The following MTCL2 variants were observed in gnomAD, a reference collection of about 807,000 sequenced individuals.
MTCL2 encodes the protein microtubule cross-linking factor 2.
chr20:36,784,704 A>G, the MTCL2 span: 372 of 985,300 alleles, frequency 3.8e-4, 1 homozygote, highest in Middle Eastern at 5.2e-4. Context: ...AATCCAACCA[A>G]TGGCTCAGGC....
chr20:36,852,524 T>G, the MTCL2 span, among the ~76,000 whole-genome samples: 1 of 152,204 alleles, frequency 6.6e-6, no homozygotes, highest in South Asian at 2.1e-4. Context: ...GCTCCACTTC[T>G]CAGCCCAAAT....
chr20:36,785,530 C>T, the MTCL2 span: 5 of 985,312 alleles, frequency 5.1e-6, no homozygotes, highest in African/African-American at 8.7e-5. Context: ...CCAAGAATCT[C>T]TTACTGGGAA....
chr20:36,793,473 C>G, the MTCL2 span: 31 of 1,551,358 alleles, frequency 2.0e-5, no homozygotes, highest in Non-Finnish European at 1.1e-5. The surrounding 1 kb of genome is among the most constrained non-coding windows in gnomAD (Gnocchi z 6.8). Flanking sequence ...GGTGCCCGGC[C>G]ACACACATTA....
the MTCL2 span, among the ~76,000 whole-genome samples, chr20:36,790,567 T>G: frequency 1.3e-5 from 2 of 151,624 alleles, no homozygotes; most frequent in Admixed American, 1.3e-4. Flanking sequence ...CCCGAGTAGC[T>G]GGGACTATAG....
At chr20:36,861,590 G>T in the MTCL2 span, among the ~76,000 whole-genome samples, 1 of 152,218 alleles carries the variant, frequency 6.6e-6, no homozygotes, top group African/African-American at 2.4e-5. Flanking sequence ...CCAGCAGCAT[G>T]CTGTGAGCTC....
chr20:36,820,361 T>C, the MTCL2 span, among the ~76,000 whole-genome samples: 3 of 152,178 alleles, frequency 2.0e-5, no homozygotes, highest in East Asian at 5.8e-4. Context: ...TGAGATCACC[T>C]AAAGCCATTC....
chr20:36,788,087 G>A, the MTCL2 span, among the ~76,000 whole-genome samples: 14 of 151,192 alleles, frequency 9.3e-5, no homozygotes, highest in South Asian at 2.9e-3. Flanking sequence ...TGCAGTCCCA[G>A]CTACTTGGGA....
chr20:36,809,215 A>C, the MTCL2 span, among the ~76,000 whole-genome samples: 1 of 152,208 alleles, frequency 6.6e-6, no homozygotes, highest in African/African-American at 2.4e-5. Context: ...CTGGATGTGC[A>C]ACCCTGGGCA....
At chr20:36,826,397 A>G in the MTCL2 span, among the ~76,000 whole-genome samples, 9 of 104,866 alleles carry the variant, frequency 8.6e-5, no homozygotes, top group East Asian at 2.3e-3. Flanking sequence ...CTCCCTCTCG[A>G]TGCAGGGTCT....
the MTCL2 span, chr20:36,808,607 T>G: frequency 1.9e-6 from 3 of 1,611,790 alleles, no homozygotes; most frequent in Non-Finnish European, 2.5e-6. Context: ...CAGGAAGTTG[T>G]GCTTGAATTG....
chr20:36,817,553 G>C, the MTCL2 span: 29 of 1,374,008 alleles, frequency 2.1e-5, no homozygotes, highest in Non-Finnish European at 2.8e-5. Context: ...AGCTGTCACA[G>C]TGCCCAGGGT....
the MTCL2 span, chr20:36,786,065 G>T: frequency 1.0e-6 from 1 of 986,942 alleles, no homozygotes; most frequent in Non-Finnish European, 1.2e-6. Flanking sequence ...AAATGAAGGG[G>T]TGGATGGTCA....
At chr20:36,817,444 C>T in the MTCL2 span, 31 of 1,584,394 alleles carry the variant, frequency 2.0e-5, no homozygotes, top group African/African-American at 2.7e-5. Flanking sequence ...CCCCAGGGAG[C>T]GGGTTCCTCT....
chr20:36,863,224 CT>C, the MTCL2 span: 1 of 1,206,106 alleles, frequency 8.3e-7, no homozygotes. This position sits in a 1 kb window ranked among gnomAD's most constrained non-coding sequence, Gnocchi z 6.2. Context: ...CCGGCCACGT[CT>C]TTGGGCCGGG....
chr20:36,856,021 A>T, the MTCL2 span, among the ~76,000 whole-genome samples: 1 of 152,120 alleles, frequency 6.6e-6, no homozygotes, highest in Non-Finnish European at 1.5e-5. Context: ...CACTCCCAGC[A>T]AGGTGCTCCC....
At chr20:36,794,752 C>A in the MTCL2 span, 14 of 878,276 alleles carry the variant, frequency 1.6e-5, no homozygotes, top group Non-Finnish European at 2.3e-5. The surrounding 1 kb of genome is among the most constrained non-coding windows in gnomAD (Gnocchi z 5.4). Context: ...CCCAGTCCCA[C>A]ATTCTGTCTG....
At chr20:36,850,916 G>C in the MTCL2 span, among the ~76,000 whole-genome samples, 1 of 152,166 alleles carries the variant, frequency 6.6e-6, no homozygotes, top group Non-Finnish European at 1.5e-5. Context: ...GCAACATGGA[G>C]GAAGCTCACA....
At chr20:36,793,542 A>G in the MTCL2 span, 3 of 1,551,694 alleles carry the variant, frequency 1.9e-6, no homozygotes, top group South Asian at 2.4e-5. This position sits in a 1 kb window ranked among gnomAD's most constrained non-coding sequence, Gnocchi z 6.8. Flanking sequence ...CGCGTCTCAG[A>G]CATGCCTAGT....
At chr20:36,807,376 C>T in the MTCL2 span, among the ~76,000 whole-genome samples, 2 of 152,278 alleles carry the variant, frequency 1.3e-5, no homozygotes, top group African/African-American at 4.8e-5. Context: ...GGACAGGGGA[C>T]TACAGAGAGC....
Sources: gnomAD v4.1 joint callset for allele counts (sites outside exome capture counted in the v4.1 genomes callset) on GRCh38, gnomAD v4.1.1 for gene constraint, Gnocchi (gnomAD v3.1) non-coding constraint, MANE v1.5 for transcripts, NCBI Gene and HGNC (gene_info 2026-07-23, HGNC 2026-07-21) for gene names.